Variants in FRMD4B observed in about 807,000 individuals in gnomAD.
The protein encoded by FRMD4B is FERM domain-containing protein 4B.
A neutral mutation model predicts 141.5 loss-of-function variants in FRMD4B; 74 were observed. The observed-to-expected ratio is 0.52, with a 90% confidence interval of 0.43 to 0.63. The LOEUF is 0.63. Among genes scored for constraint, FRMD4B ranks in the 30% least tolerant of loss-of-function variants. The probability of loss-of-function intolerance (pLI) is 0.00; values close to 1 mark genes in which losing one functional copy is unlikely to be tolerated. For synonymous variants in FRMD4B, 506 were observed against 467.9 expected, an observed-to-expected ratio of 1.08 and a Z score of -1.05; for missense variants, 1,366 against 1,253.4, an observed-to-expected ratio of 1.09 and a Z score of -1.36.
At chr3:69,532,942 G>A (rs1260689588) in intron 1 of FRMD4B, among the ~76,000 whole-genome samples, 1 of 152,330 alleles carries the variant, frequency 6.6e-6, no homozygotes, top group East Asian at 1.9e-4. Flanking sequence ...GCCCCATGCT[G>A]TGGCAAGAGC....
intron 2 of FRMD4B, among the ~76,000 whole-genome samples, chr3:69,410,726 A>AATAAATATATAT (rs1559519781): frequency 1.4e-4 from 12 of 86,296 alleles, no homozygotes; most frequent in Admixed American, 4.3e-4. Flanking sequence ...TAAATAAATA[A>AATAAATATATAT]ATATATATAT....
intron 11 of FRMD4B, among the ~76,000 whole-genome samples, chr3:69,205,598 T>C (rs541156322): frequency 1.3e-5 from 2 of 152,276 alleles, no homozygotes; most frequent in African/African-American, 4.8e-5. Context: ...TCAGGACATG[T>C]GGTGATGCTT....
chr3:69,295,406 CA>C (rs1482301510), intron 4 of FRMD4B, among the ~76,000 whole-genome samples: 7 of 152,236 alleles, frequency 4.6e-5, no homozygotes, highest in Non-Finnish European at 8.8e-5. Flanking sequence ...ACTGCAGCCT[CA>C]ATGTCCTGGG....
Position 69,257,666 on chromosome 3 carries a change from C to CT in FRMD4B, c.502-7568dup, listed in dbSNP as rs941715187. Among the ~76,000 whole-genome samples the CT allele has an allele frequency of 5.3e-3, 792 of 149,286 alleles. 6 individuals are homozygous for CT. The highest frequency in any genetic ancestry group is 0.017 in the African/African-American group (689 of 40,796). The stretch of plus-strand genomic sequence containing the variant: ...TATATTTTAATATGTTCAGGATTGG[C>CT]TTTTTTTTTTCTTGAGACAGAGTCT... On this transcript the variant is annotated intron_variant, in intron 5 of 22. Coordinates refer to ENST00000398540, the MANE Select transcript of FRMD4B (RefSeq NM_015123.3).
intron 1 of FRMD4B, among the ~76,000 whole-genome samples, chr3:69,358,986 A>C (rs1038127750): frequency 3.3e-5 from 5 of 152,118 alleles, no homozygotes; most frequent in Non-Finnish European, 5.9e-5. Flanking sequence ...CCATGAGCCA[A>C]ATAAATCTGT....
intron 7 of FRMD4B, among the ~76,000 whole-genome samples, chr3:69,232,863 A>G (rs1374907222): frequency 5.5e-5 from 8 of 144,192 alleles, no homozygotes; most frequent in Admixed American, 5.5e-4. Context: ...GAACAGCTTA[A>G]AAAAAAAAAA....
chr3:69,377,646 T>C (rs1024097048), intron 1 of FRMD4B, among the ~76,000 whole-genome samples: 21 of 152,066 alleles, frequency 1.4e-4, no homozygotes, highest in African/African-American at 5.1e-4. Flanking sequence ...TTTTCAAGGG[T>C]AGCCCATCTC....
chr3:69,479,356 T>C (rs1013272228), intron 1 of FRMD4B, among the ~76,000 whole-genome samples: 1 of 152,074 alleles, frequency 6.6e-6, no homozygotes, highest in Non-Finnish European at 1.5e-5. Context: ...GGTTGTTCCT[T>C]TCCATGTTTA....
At chr3:69,261,107 T>C (rs976306841) in intron 5 of FRMD4B, among the ~76,000 whole-genome samples, 3 of 152,084 alleles carry the variant, frequency 2.0e-5, no homozygotes, top group African/African-American at 7.2e-5. Context: ...TGTGGAAGGG[T>C]TGTTCTTTTT....
intron 1 of FRMD4B, among the ~76,000 whole-genome samples, chr3:69,450,848 C>T (rs1705485943): frequency 6.6e-6 from 1 of 152,180 alleles, no homozygotes; most frequent in African/African-American, 2.4e-5. Context: ...TCTGATGGTA[C>T]ATTTGCCATG....
At chr3:69,246,299 T>C (rs2093425282) in intron 7 of FRMD4B, among the ~76,000 whole-genome samples, 1 of 151,828 alleles carries the variant, frequency 6.6e-6, no homozygotes, top group Non-Finnish European at 1.5e-5. Flanking sequence ...CTACAAAAAA[T>C]ACAAAAATTA....
Position 69,216,341 on chromosome 3 carries a change from T to C in FRMD4B, c.798A>G (p.Gln266=). Residue 266 remains glutamine, a synonymous_variant, in exon 11 of 23, where the codon CAA becomes CAG. Transcript: ENST00000398540. ...GVHYYAVKDK[Q]GLPWWLGISY... is the part of the protein sequence containing the mutation. Reference sequence around the variant, plus strand: ...TTATTCCAAGCCACCAAGGAAGTCCTTGCTTATCCTAGAAGATGAAAAAGC... The same window carrying C: ...TTATTCCAAGCCACCAAGGAAGTCCCTGCTTATCCTAGAAGATGAAAAAGC... The C allele has an allele frequency of 6.5e-7, 1 of 1,536,054 alleles. No homozygotes were observed. The highest frequency in any genetic ancestry group is 1.4e-5 in the African/African-American group (1 of 73,720).
At chr3:69,346,132 C>T (rs1702932746) in intron 1 of FRMD4B, among the ~76,000 whole-genome samples, 2 of 152,010 alleles carry the variant, frequency 1.3e-5, no homozygotes, top group Middle Eastern at 3.4e-3. Context: ...TAGAGATGTC[C>T]TTAAATGACC....
chr3:69,348,735 A>G (rs974934302), intron 1 of FRMD4B, among the ~76,000 whole-genome samples: 6 of 152,210 alleles, frequency 3.9e-5, no homozygotes, highest in African/African-American at 1.4e-4. Context: ...GACAAAAACC[A>G]CATGCTTATC....
At chr3:69,378,964 C>A (rs1298486136) in intron 1 of FRMD4B, among the ~76,000 whole-genome samples, 2 of 152,164 alleles carry the variant, frequency 1.3e-5, no homozygotes, top group Non-Finnish European at 2.9e-5. Context: ...TTGCATTATT[C>A]CTGTCTGGTT....
At chr3:69,245,350 T>A (rs557884507) in intron 7 of FRMD4B, among the ~76,000 whole-genome samples, 4 of 150,424 alleles carry the variant, frequency 2.7e-5, no homozygotes, top group African/African-American at 1.0e-4. Context: ...TGTGTGTGTG[T>A]GTGTTTTTAG....
chr3:69,190,073 A>T, intron 17 of FRMD4B, 121 bp from the exon 18 acceptor site: 1 of 603,922 alleles, frequency 1.7e-6, no homozygotes, highest in South Asian at 2.2e-5. Context: ...ATTACAGTGC[A>T]TTAAGAATAA....
intron 1 of FRMD4B, among the ~76,000 whole-genome samples, chr3:69,356,045 T>A (rs1415631471): frequency 6.6e-6 from 1 of 151,772 alleles, no homozygotes; most frequent in Non-Finnish European, 1.5e-5. Context: ...GAAAAAAAAT[T>A]AGGAAACAGG....
chr3:69,193,575 T>C, intron 17 of FRMD4B, 73 bp downstream of exon 17: 1 of 773,668 alleles, frequency 1.3e-6, no homozygotes, highest in Non-Finnish European at 2.1e-6. Flanking sequence ...AACTGGTAAC[T>C]GGTTTGGAAA....
Sources: allele counts gnomAD v4.1 joint callset (sites outside exome capture counted in the v4.1 genomes callset), GRCh38; gene constraint gnomAD v4.1.1; transcripts MANE v1.5; gene names NCBI Gene and HGNC (gene_info 2026-07-23, HGNC 2026-07-21).